The following ARFGEF3 variants were observed in gnomAD, a reference collection of about 807,000 sequenced individuals.
The protein encoded by ARFGEF3 is brefeldin A-inhibited guanine nucleotide-exchange protein 3.
A neutral mutation model predicts 221.7 loss-of-function variants in ARFGEF3; 96 were observed. The observed-to-expected ratio is 0.43, with a 90% CI of 0.37 to 0.51. The LOEUF (loss-of-function observed/expected upper bound fraction) is 0.51, where lower values mean the gene tolerates loss of function less well. Among genes scored for constraint, ARFGEF3 ranks in the 20% least tolerant of loss-of-function variants. The pLI is 0.00. For missense variants in ARFGEF3, 2,410 were observed against 2,789.9 expected, an observed-to-expected ratio of 0.86 and a Z score of 3.07; for synonymous variants, 1,145 against 1,126.8, an observed-to-expected ratio of 1.02 and a Z score of -0.32.
chr6:138,247,513 C>T (rs1025400274), intron 8 of ARFGEF3, among the ~76,000 whole-genome samples: 1 of 152,182 alleles, frequency 6.6e-6, no homozygotes, highest in Non-Finnish European at 1.5e-5. Context: ...TCCATCATAA[C>T]ACAGACAGCT....
At chr6:138,326,126 G>T (rs912808687) in intron 31 of ARFGEF3, among the ~76,000 whole-genome samples, 5 of 151,812 alleles carry the variant, frequency 3.3e-5, no homozygotes, top group Non-Finnish European at 7.4e-5. Flanking sequence ...CAAAGTGCTG[G>T]GATTACAGGC....
chr6:138,251,010 C>T (rs1275485378), intron 8 of ARFGEF3, among the ~76,000 whole-genome samples: 1 of 152,204 alleles, frequency 6.6e-6, no homozygotes, highest in Admixed American at 6.5e-5. Flanking sequence ...ACGTTTTAAA[C>T]AGCTCCTTTA....
intron 22 of ARFGEF3, among the ~76,000 whole-genome samples, chr6:138,305,156 C>T (rs763251777): frequency 2.0e-5 from 3 of 151,368 alleles, no homozygotes; most frequent in Non-Finnish European, 4.4e-5. Context: ...GAAATAATAT[C>T]AACCCTACTC....
At chr6:138,296,772 T>C (rs1337534959) in intron 20 of ARFGEF3, 38 bp from the exon 21 acceptor site, 1 of 1,604,748 alleles carries the variant, frequency 6.2e-7, no homozygotes, top group South Asian at 1.1e-5. Flanking sequence ...ATGTCTGAGT[T>C]TTGGCTTTCT....
intron 8 of ARFGEF3, 117 bp from the exon 9 acceptor site, chr6:138,253,763 C>G: frequency 3.8e-6 from 3 of 782,966 alleles, no homozygotes; most frequent in Non-Finnish European, 6.4e-6. Context: ...CTAACCGTCC[C>G]CCTAAAACTA....
At position 138,264,901 on chromosome 6, in the gene ARFGEF3, T is replaced by C. The variant is rs866963153; in HGVS notation, c.2128+1290T>C. On this transcript the variant is annotated intron_variant, in intron 12 of 33. Transcript: ENST00000251691. Reference sequence around the variant, plus strand: ...ATATAAGAAGGAACAAATTTTTTTTTCCTTTTTTTTTTTTTTTTCTGAGAG... The same window carrying C: ...ATATAAGAAGGAACAAATTTTTTTTCCCTTTTTTTTTTTTTTTTCTGAGAG... Among the ~76,000 whole-genome samples, 1,113 of 150,104 alleles carry C rather than the reference T, an allele frequency of 7.4e-3. 18 individuals are homozygous for C. The highest frequency in any genetic ancestry group is 0.026 in the African/African-American group (1,066 of 40,400).
intron 22 of ARFGEF3, among the ~76,000 whole-genome samples, chr6:138,301,441 A>G (rs1779627192): frequency 6.6e-6 from 1 of 152,220 alleles, no homozygotes; most frequent in South Asian, 2.1e-4. Context: ...CAGCTTTTCT[A>G]CCATCAGGGA....
chr6:138,278,491 C>A lies in ARFGEF3; in HGVS notation c.2169C>A (p.Leu723=). 1 of 1,614,034 alleles carries A rather than the reference C, an allele frequency of 6.2e-7. No homozygotes were observed. The highest frequency in any genetic ancestry group is 8.5e-7 in the Non-Finnish European group (1 of 1,179,908). ...HSPGFDGNSS[L]SFQMLMNADS... ...CTGGCTTTGACGGGAATAGCAGCCT[C>A]AGCTTCCAGATGCTGATGAACGCAG... The change falls in exon 13 of 34, where the codon CTC becomes CTA. Residue 723 remains leucine, a synonymous_variant. Coordinates refer to ENST00000251691, the MANE Select transcript of ARFGEF3 (RefSeq NM_020340.5).
At chr6:138,280,925 T>A (rs1223795439) in intron 14 of ARFGEF3, among the ~76,000 whole-genome samples, 1 of 152,150 alleles carries the variant, frequency 6.6e-6, no homozygotes, top group Admixed American at 6.5e-5. Context: ...GTACCAGAAT[T>A]AATAATAATG....
chr6:138,317,512 T>A (rs1454337305), intron 27 of ARFGEF3, 133 bp downstream of exon 27: 14 of 1,058,388 alleles, frequency 1.3e-5, no homozygotes, highest in Non-Finnish European at 1.8e-5. Context: ...TAAGAGGTGC[T>A]CAATAAATGT....
chr6:138,273,779 G>A (rs1042757459), intron 12 of ARFGEF3, among the ~76,000 whole-genome samples: 1 of 152,126 alleles, frequency 6.6e-6, no homozygotes, highest in Admixed American at 6.5e-5. Context: ...CTGGTTCTAG[G>A]CAATAGAAAG....
rs565158843 is a variant in ARFGEF3, at chr6:138,291,254, G to A, written c.3048-479G>A. On this transcript the variant is annotated intron_variant, in intron 18 of 33. Coordinates refer to ENST00000251691, the MANE Select transcript of ARFGEF3 (RefSeq NM_020340.5). The surrounding 1 kb of genome is among the most constrained non-coding windows in gnomAD (Gnocchi z 4.5). ...TGGCGCCGTCGGGACCAGGCAGGAC[G>A]TGGCTGGGCAGAACCCACTGTGGCT... 2.4e-4 allele frequency among the ~76,000 whole-genome samples: 36 copies of A among 152,286 alleles called. No homozygotes were observed. Among genetic ancestry groups the A allele is most frequent in the African/African-American group, 6.7e-4 (28 of 41,576 alleles).
chr6:138,323,861 C>T, intron 30 of ARFGEF3, 88 bp downstream of exon 30: 1 of 1,545,316 alleles, frequency 6.5e-7, no homozygotes. Flanking sequence ...ATGGGTTCTG[C>T]CTCCTCTGAG....
At chr6:138,174,776 A>G (rs1042848393) in intron 2 of ARFGEF3, among the ~76,000 whole-genome samples, 2 of 151,848 alleles carry the variant, frequency 1.3e-5, no homozygotes, top group Non-Finnish European at 2.9e-5. Flanking sequence ...GCTTTTTCCT[A>G]TTTTTTTCTT....
chr6:138,269,354 G>A (rs1325551769), intron 12 of ARFGEF3, among the ~76,000 whole-genome samples: 8 of 152,218 alleles, frequency 5.3e-5, no homozygotes, highest in Admixed American at 5.2e-4. Context: ...TCAGTTTTTG[G>A]CTCTGTGGTT....
intron 32 of ARFGEF3, among the ~76,000 whole-genome samples, chr6:138,330,901 A>T (rs1780216348): frequency 6.6e-6 from 1 of 152,132 alleles, no homozygotes; most frequent in Admixed American, 6.5e-5. Context: ...TCCCTCAACC[A>T]CCAGTCACTA....
At chr6:138,256,591 G>A (rs1778686382) in intron 10 of ARFGEF3, among the ~76,000 whole-genome samples, 1 of 151,788 alleles carries the variant, frequency 6.6e-6, no homozygotes, top group Non-Finnish European at 1.5e-5. Flanking sequence ...AGATTTTATT[G>A]TAATGAGTAT....
At chr6:138,268,704 G>T (rs1294197213) in intron 12 of ARFGEF3, among the ~76,000 whole-genome samples, 1 of 152,198 alleles carries the variant, frequency 6.6e-6, no homozygotes, top group Non-Finnish European at 1.5e-5. Context: ...CTAAAGGAAG[G>T]TCCCAGCCTT....
intron 31 of ARFGEF3, among the ~76,000 whole-genome samples, chr6:138,326,458 A>G (rs1287246426): frequency 6.6e-6 from 1 of 152,102 alleles, no homozygotes; most frequent in African/African-American, 2.4e-5. Context: ...AAAAGTGGGT[A>G]AAGGACTTGA....
Sources: allele counts gnomAD v4.1 joint callset (sites outside exome capture counted in the v4.1 genomes callset), GRCh38; gene constraint gnomAD v4.1.1; non-coding constraint Gnocchi (gnomAD v3.1); transcripts MANE v1.5; gene names NCBI Gene and HGNC (gene_info 2026-07-23, HGNC 2026-07-21).